RPS6KA2: variants seen among roughly 807,000 people sequenced by gnomAD.
RPS6KA2 encodes the protein ribosomal protein S6 kinase A2.
In RPS6KA2, 42 loss-of-function variants were observed where a neutral mutation model predicts 91.8. The ratio of observed to expected loss-of-function variants is 0.46; its 90% CI spans 0.36 to 0.59. The LOEUF (loss-of-function observed/expected upper bound fraction) is 0.59, where lower values mean the gene tolerates loss of function less well. Among genes scored for constraint, RPS6KA2 ranks in the 20% least tolerant of loss-of-function variants. The pLI is 0.00. For missense variants in RPS6KA2, 798 were observed against 978.5 expected, an observed-to-expected ratio of 0.82 and a Z score of 2.46; for synonymous variants, 414 against 393.6, an observed-to-expected ratio of 1.05 and a Z score of -0.61.
At chr6:166,582,726 A>T (rs970255328) in intron 1 of RPS6KA2, among the ~76,000 whole-genome samples, 7 of 152,240 alleles carry the variant, frequency 4.6e-5, no homozygotes, top group Admixed American at 4.6e-4. Flanking sequence ...TTCCATCTTG[A>T]CTGAAAAAGC....
intron 1 of RPS6KA2, among the ~76,000 whole-genome samples, chr6:166,602,167 T>TCACA (rs199535551): frequency 0.015 from 2,256 of 152,304 alleles, 33 homozygotes; most frequent in Non-Finnish European, 0.024. Context: ...GGACACCATC[T>TCACA]CACACACAGC....
chr6:166,648,908 G>A lies in RPS6KA2; in HGVS notation c.124-110124C>T, dbSNP rs991883377. Among the ~76,000 whole-genome samples the A allele has an allele frequency of 5.3e-5, 8 of 152,064 alleles. No homozygotes were observed. The highest frequency in any genetic ancestry group is 2.1e-4 in the South Asian group (1 of 4,818). On this transcript the variant is annotated intron_variant, in intron 2 of 21. Coordinates refer to the RPS6KA2 transcript ENST00000503859. The surrounding 1 kb of genome is among the most constrained non-coding windows in gnomAD (Gnocchi z 4.8). The stretch of plus-strand genomic sequence containing the variant: ...AGGCCCATAGAGTCTACCTTGCAGC[G>A]TCTCACCAATTCACCTGTCTCTCTA...
At chr6:166,853,818 G>A (rs1029582700) in intron 2 of RPS6KA2, among the ~76,000 whole-genome samples, 9 of 152,220 alleles carry the variant, frequency 5.9e-5, no homozygotes, top group South Asian at 2.1e-4. Context: ...CGGAGCTGTC[G>A]CCTCATGGAG....
intron 2 of RPS6KA2, among the ~76,000 whole-genome samples, chr6:166,763,869 C>T (rs986234643): frequency 2.0e-5 from 3 of 152,196 alleles, no homozygotes; most frequent in Admixed American, 2.0e-4. Flanking sequence ...AAGAGGGGTG[C>T]ACCCAGCAGT....
At chr6:166,813,975 A>G (rs1583146708) in intron 2 of RPS6KA2, among the ~76,000 whole-genome samples, 4 of 152,238 alleles carry the variant, frequency 2.6e-5, no homozygotes, top group Admixed American at 2.6e-4. Flanking sequence ...CTGGTATTCT[A>G]TCTGGCACAT....
intron 2 of RPS6KA2, among the ~76,000 whole-genome samples, chr6:166,804,394 T>C (rs1044410696): frequency 8.6e-5 from 13 of 151,992 alleles, no homozygotes; most frequent in African/African-American, 2.7e-4. Context: ...AGATATTAAA[T>C]ACTCAGTGGA....
chr6:166,485,945 G>A (rs1264948816), intron 10 of RPS6KA2, among the ~76,000 whole-genome samples: 1 of 152,182 alleles, frequency 6.6e-6, no homozygotes, highest in Non-Finnish European at 1.5e-5. Context: ...TGGGCACTAA[G>A]GGTGAGCGCT....
At chr6:166,805,732 C>CA (rs781687010) in intron 2 of RPS6KA2, among the ~76,000 whole-genome samples, 4 of 151,688 alleles carry the variant, frequency 2.6e-5, no homozygotes, top group Non-Finnish European at 5.9e-5. Flanking sequence ...TAAGACATAC[C>CA]AAAAAACAGG....
chr6:166,673,431 C>G (rs1367466931), intron 2 of RPS6KA2, among the ~76,000 whole-genome samples: 2 of 152,188 alleles, frequency 1.3e-5, no homozygotes, highest in Non-Finnish European at 2.9e-5. Context: ...TCAACAAGGA[C>G]CCTGGAGGAG....
chr6:166,852,606 G>A lies in RPS6KA2; in HGVS notation c.123+5594C>T, dbSNP rs572450264. On this transcript the variant is annotated intron_variant, in intron 2 of 21. Transcript: ENST00000503859. This position sits in a 1 kb window ranked among gnomAD's most constrained non-coding sequence, Gnocchi z 4.1. The stretch of plus-strand genomic sequence containing the variant: ...TTTCACCCTTTCTGCCTGTTGCCAC[G>A]AGTCTCTTCCTGACCCTTTTCCTCA... Among the ~76,000 whole-genome samples the A allele has an allele frequency of 5.3e-4, 81 of 152,170 alleles. 1 individual carries two copies. The highest frequency in any genetic ancestry group is 9.2e-4 in the Admixed American group (14 of 15,296).
At position 166,852,871 on chromosome 6, in the gene RPS6KA2, T is replaced by A. The variant is rs1780781571; in HGVS notation, c.123+5329A>T. On this transcript the variant is annotated intron_variant, in intron 2 of 21. Transcript: ENST00000503859. The surrounding 1 kb of genome is among the most constrained non-coding windows in gnomAD (Gnocchi z 4.1). Reference sequence around the variant, plus strand: ...GACTGTCATCTGGCAGCCGAAACCCTGTGATCCCCGTGTGGCTGTGTCCTG... The same window carrying A: ...GACTGTCATCTGGCAGCCGAAACCCAGTGATCCCCGTGTGGCTGTGTCCTG... Among the ~76,000 whole-genome samples the A allele has an allele frequency of 6.6e-6, 1 of 152,122 alleles. No individual in the cohort carries two copies. Among genetic ancestry groups the A allele is most frequent in the Non-Finnish European group, 1.5e-5 (1 of 68,020 alleles).
intron 10 of RPS6KA2, among the ~76,000 whole-genome samples, chr6:166,480,556 C>G (rs1458197519): frequency 7.1e-6 from 1 of 140,804 alleles, no homozygotes; most frequent in Non-Finnish European, 1.5e-5. Context: ...GCTCTGTTGC[C>G]CAGGCTGGAG....
At chr6:166,461,215 G>A (rs1275798681) in intron 11 of RPS6KA2, among the ~76,000 whole-genome samples, 2 of 152,180 alleles carry the variant, frequency 1.3e-5, no homozygotes, top group Non-Finnish European at 2.9e-5. Context: ...TGCCTTGGGG[G>A]CATAGATTTC....
At chr6:166,842,885 G>T (rs534877139) in intron 2 of RPS6KA2, among the ~76,000 whole-genome samples, 2 of 152,320 alleles carry the variant, frequency 1.3e-5, no homozygotes, top group African/African-American at 2.4e-5. Context: ...TACCAGGAAA[G>T]CCTAGAGAAT....
chr6:166,412,761 G>T lies in RPS6KA2; in HGVS notation c.*1C>A. 1 of 1,595,706 alleles carries T rather than the reference G, an allele frequency of 6.3e-7. No homozygotes were observed. The highest frequency in any genetic ancestry group is 1.3e-5 in the African/African-American group (1 of 74,864). On this transcript the variant is annotated 3_prime_UTR_variant, in exon 21 of 21. Transcript: ENST00000265678. This position sits in a 1 kb window ranked among gnomAD's most constrained non-coding sequence, Gnocchi z 4.3. ...GGACGCTGGGGCCAGGGTCCCACCC[G>T]CTACAGCCGCGTGGACGTGAGTCTC...
chr6:166,568,621 GAAAAAAAAAAAAAAAAAAAAAAA>G (rs60613942), intron 1 of RPS6KA2, among the ~76,000 whole-genome samples: 12 of 45,550 alleles, frequency 2.6e-4, no homozygotes, highest in East Asian at 1.6e-3. Context: ...CTCCATCTCA[GAAAAAAAAAAAAAAAAAAAAAAA>G]AAAAAAAAAA....
At chr6:166,758,052 C>T (rs141237877) in intron 2 of RPS6KA2, 145 of 157,268 alleles carry the variant, frequency 9.2e-4, no homozygotes, top group African/African-American at 3.0e-3. Context: ...TCCTCCTCAA[C>T]GCACACCTGC....
intron 2 of RPS6KA2, among the ~76,000 whole-genome samples, chr6:166,816,289 T>C (rs1779759314): frequency 6.6e-6 from 1 of 151,302 alleles, no homozygotes. Context: ...CTTACACCTG[T>C]AATCCTAGCA....
At chr6:166,536,099 T>C (rs912186715) in intron 2 of RPS6KA2, among the ~76,000 whole-genome samples, 4 of 152,240 alleles carry the variant, frequency 2.6e-5, no homozygotes, top group Non-Finnish European at 5.9e-5. Flanking sequence ...ATGTCATCCA[T>C]TTCTGCATCT....
Sources: allele counts gnomAD v4.1 joint callset (sites outside exome capture counted in the v4.1 genomes callset), GRCh38; gene constraint gnomAD v4.1.1; non-coding constraint Gnocchi (gnomAD v3.1); transcripts MANE v1.5; gene names NCBI Gene and HGNC (gene_info 2026-07-23, HGNC 2026-07-21).